FAM227B: variants seen among roughly 807,000 people sequenced by gnomAD.
FAM227B encodes the protein protein FAM227B.
In FAM227B, 88 loss-of-function variants were observed where a neutral mutation model predicts 73.8. The ratio of observed to expected loss-of-function variants is 1.19; its 90% CI spans 1.00 to 1.42. The LOEUF (loss-of-function observed/expected upper bound fraction) is 1.42, where lower values mean the gene tolerates loss of function less well. Among genes scored for constraint, FAM227B ranks in the 40% most tolerant of loss-of-function variants. FAM227B has a pLI of 0.00. For missense variants in FAM227B, 632 were observed against 590.9 expected (o/e 1.07, Z -0.72); for synonymous variants, 210 against 190.5 (o/e 1.10, Z -0.84).
chr15:49,448,047 C>A (rs552762751), intron 11 of FAM227B, among the ~76,000 whole-genome samples: 1 of 151,676 alleles, frequency 6.6e-6, no homozygotes, highest in East Asian at 1.9e-4. Context: ...AGAGCATATA[C>A]AGATTTATAA....
At chr15:49,372,747 G>C (rs2045928744) in intron 11 of FAM227B, among the ~76,000 whole-genome samples, 1 of 152,168 alleles carries the variant, frequency 6.6e-6, no homozygotes, top group African/African-American at 2.4e-5. Context: ...GTTTGTTCTA[G>C]ACTCTGGCAC....
At chr15:49,577,295 C>G (rs1166646860) in intron 6 of FAM227B, 4 of 330,652 alleles carry the variant, frequency 1.2e-5, no homozygotes, top group African/African-American at 2.2e-5. Context: ...AGGCCCCATT[C>G]CCCACACCCC....
intron 11 of FAM227B, among the ~76,000 whole-genome samples, chr15:49,501,491 TTTCTAG>T (rs2058129258): frequency 6.6e-6 from 1 of 152,136 alleles, no homozygotes; most frequent in Non-Finnish European, 1.5e-5. Context: ...GTGGAAGAAA[TTTCTAG>T]GCAACAGGGT....
chr15:49,529,726 T>A (rs1409365788), intron 10 of FAM227B, among the ~76,000 whole-genome samples: 1 of 151,670 alleles, frequency 6.6e-6, no homozygotes, highest in Non-Finnish European at 1.5e-5. Context: ...TCTCTCAAAT[T>A]GCTTGCTTAT....
intron 13 of FAM227B, among the ~76,000 whole-genome samples, chr15:49,341,427 T>A (rs1297750388): frequency 6.6e-6 from 1 of 152,222 alleles, no homozygotes; most frequent in East Asian, 1.9e-4. Context: ...CTATGATTTC[T>A]TTCCACAGAA....
At chr15:49,522,563 A>G (rs1455197040) in intron 10 of FAM227B, among the ~76,000 whole-genome samples, 5 of 152,184 alleles carry the variant, frequency 3.3e-5, no homozygotes, top group Non-Finnish European at 7.3e-5. Context: ...CAGAATATGA[A>G]AGATGAAATC....
intron 12 of FAM227B, among the ~76,000 whole-genome samples, chr15:49,368,858 C>A (rs2045571048): frequency 6.6e-6 from 1 of 152,156 alleles, no homozygotes; most frequent in South Asian, 2.1e-4. Context: ...AGTTTGCAGC[C>A]CTTTTTCCTC....
At chr15:49,331,742 A>G (rs1481785924) in intron 15 of FAM227B, 38 bp downstream of exon 15, 2 of 1,247,626 alleles carry the variant, frequency 1.6e-6, no homozygotes. Flanking sequence ...AAGAAGCTAG[A>G]GAGAGAATTC....
intron 13 of FAM227B, among the ~76,000 whole-genome samples, chr15:49,335,904 G>A (rs1198893716): frequency 6.6e-6 from 1 of 152,130 alleles, no homozygotes. Flanking sequence ...CCAGGCTGGA[G>A]TGTGGTAACA....
chr15:49,620,552 AATAGCTTTC>A (rs1163937043), intron 1 of FAM227B, 139 bp downstream of exon 1: 1 of 152,202 alleles, frequency 6.6e-6, no homozygotes, highest in East Asian at 1.9e-4. Flanking sequence ...TGATTTTTCT[AATAGCTTTC>A]ATTACCACAC....
chr15:49,342,705 T>C (rs76013079), intron 13 of FAM227B, among the ~76,000 whole-genome samples: 3,376 of 152,272 alleles, frequency 0.022, 101 homozygotes, highest in South Asian at 0.077. Context: ...CTTAAAGATC[T>C]CTTATGAGAC....
chr15:49,555,039 C>T (rs536458823), intron 9 of FAM227B, among the ~76,000 whole-genome samples: 2 of 152,298 alleles, frequency 1.3e-5, no homozygotes, highest in African/African-American at 4.8e-5. Context: ...CAACTTGTCA[C>T]TCTGTCCCTT....
At chr15:49,500,943 C>A (rs1233882100) in intron 11 of FAM227B, among the ~76,000 whole-genome samples, 3 of 152,170 alleles carry the variant, frequency 2.0e-5, no homozygotes, top group Non-Finnish European at 4.4e-5. Context: ...GACATGCCTG[C>A]TCTCCCTTCA....
intron 3 of FAM227B, among the ~76,000 whole-genome samples, chr15:49,606,566 C>T (rs1159880145): frequency 1.3e-5 from 2 of 152,194 alleles, no homozygotes; most frequent in Non-Finnish European, 2.9e-5. Context: ...CTCCTTACCC[C>T]CACTTGATCT....
At chr15:49,374,152 T>C (rs2046010765) in intron 11 of FAM227B, among the ~76,000 whole-genome samples, 1 of 152,182 alleles carries the variant, frequency 6.6e-6, no homozygotes, top group South Asian at 2.1e-4. Flanking sequence ...GCAAGAATTT[T>C]TGAGGCTAGA....
intron 11 of FAM227B, among the ~76,000 whole-genome samples, chr15:49,484,057 T>A (rs1455684607): frequency 6.6e-6 from 1 of 152,144 alleles, no homozygotes; most frequent in East Asian, 1.9e-4. Flanking sequence ...TGACATGAAC[T>A]TCCAAAAAGC....
Position 49,595,189 on chromosome 15 carries a change from A to G in FAM227B, c.106-5182T>C, listed in dbSNP as rs184336998. ...TATTTTTAATTTTATTTTATATTGT[A>G]TTAATTTAATTTAATTAATTGTAAA... On this transcript the variant is annotated intron_variant, in intron 3 of 15. Transcript: ENST00000299338. Among the ~76,000 whole-genome samples, 7 of 151,932 alleles carry G rather than the reference A, an allele frequency of 4.6e-5. No individual in the cohort carries two copies. The East Asian group carries it at 1.4e-3, about 29-fold the overall frequency.
At chr15:49,550,347 C>A (rs1230035427) in intron 9 of FAM227B, among the ~76,000 whole-genome samples, 2 of 149,704 alleles carry the variant, frequency 1.3e-5, no homozygotes, top group Non-Finnish European at 3.0e-5. Context: ...GACCCCCCCA[C>A]CTCCCTCCCG....
At chr15:49,587,286 C>T (rs1377334535) in intron 5 of FAM227B, among the ~76,000 whole-genome samples, 2 of 152,060 alleles carry the variant, frequency 1.3e-5, no homozygotes, top group Non-Finnish European at 1.5e-5. Context: ...ATTATGAGAA[C>T]ACATGAACTC....
Sources: allele counts gnomAD v4.1 joint callset (sites outside exome capture counted in the v4.1 genomes callset), GRCh38; gene constraint gnomAD v4.1.1; transcripts MANE v1.5; gene names NCBI Gene and HGNC (gene_info 2026-07-23, HGNC 2026-07-21).